Variants in ZSCAN26 observed in about 807,000 individuals in gnomAD.
ZSCAN26 encodes the protein zinc finger and SCAN domain-containing protein 26.
A neutral mutation model predicts 23.0 loss-of-function variants in ZSCAN26; 26 were observed. The observed-to-expected ratio is 1.13, with a 90% CI of 0.83 to 1.57. ZSCAN26 has a LOEUF of 1.57. ZSCAN26 is among the 40% of genes most tolerant of loss of function. The pLI is 0.00. For missense variants in ZSCAN26, 528 were observed against 568.5 expected (o/e 0.93, Z 0.72); for synonymous variants, 180 against 202.5 (o/e 0.89, Z 0.94).
chr6:28,269,266 T>C (rs1761583700), intron 1 of ZSCAN26, among the ~76,000 whole-genome samples: 1 of 151,806 alleles, frequency 6.6e-6, no homozygotes, highest in African/African-American at 2.4e-5. Flanking sequence ...TCTATAGATA[T>C]AATAATATGA....
chr6:28,268,175 G>A (rs1391076980), intron 1 of ZSCAN26, among the ~76,000 whole-genome samples: 6 of 152,140 alleles, frequency 3.9e-5, no homozygotes, highest in South Asian at 2.1e-4. Context: ...TTCTTTATAG[G>A]GTTGTGTGAG....
intron 2 of ZSCAN26, 34 bp from the exon 3 acceptor site, chr6:28,272,636 C>A (rs1761746699): frequency 5.3e-6 from 8 of 1,514,656 alleles, no homozygotes; most frequent in Non-Finnish European, 7.2e-6. Context: ...CCACATATAT[C>A]TAATTATGCC....
chr6:28,271,715 C>T (rs567381442), intron 1 of ZSCAN26, 139 bp from the exon 2 acceptor site: 10 of 545,474 alleles, frequency 1.8e-5, no homozygotes, highest in Non-Finnish European at 2.9e-5. Flanking sequence ...ATAGTTTTTT[C>T]CTTCTGTATG....
intron 3 of ZSCAN26, among the ~76,000 whole-genome samples, chr6:28,275,049 G>A (rs137944073): frequency 1.3e-5 from 2 of 151,984 alleles, no homozygotes; most frequent in Non-Finnish European, 2.9e-5. Flanking sequence ...TCCTTTCTCT[G>A]ATGTCTCCTT....
rs757796252 is a variant in ZSCAN26, at chr6:28,276,316, A to G, written c.660A>G (p.Glu220=). Residue 220 remains glutamate, a synonymous_variant, in exon 4 of 4, where the codon GAA becomes GAG. Coordinates refer to ENST00000421553, the MANE Select transcript of ZSCAN26 (RefSeq NM_001023560.4). ...MEAHNEGSNL[E]RHQAKPKEKI... is the part of the protein sequence containing the mutation. ...CTCATAATGAGGGCTCTAACTTGGA[A>G]AGGCATCAGGCCAAGCCCAAAGAGA... 6.8e-6 allele frequency: 11 copies of G among 1,614,004 alleles called. No individual in the cohort carries two copies. Among genetic ancestry groups the G allele is most frequent in the Middle Eastern group, 1.6e-4 (1 of 6,062 alleles).
Position 28,276,978 on chromosome 6 carries a change from A to G in ZSCAN26, c.1322A>G (p.His441Arg), listed in dbSNP as rs1405993380. 6.2e-7 allele frequency: 1 copy of G among 1,614,040 alleles called. No individual in the cohort carries two copies. Among genetic ancestry groups the G allele is most frequent in the East Asian group, 2.2e-5 (1 of 44,890 alleles). ...AFRLNSHLAQ[H>R]VRIHNEEKPY... ...CGACTAAACTCACACCTTGCTCAGC[A>G]TGTAAGAATCCACAATGAAGAAAAA... The change falls in exon 4 of 4, where the codon CAT becomes CGT. Residue 441 changes from histidine (H) to arginine (R), a missense_variant. His to Arg is a conservative substitution (Grantham distance 29). Coordinates refer to ENST00000421553, the MANE Select transcript of ZSCAN26 (RefSeq NM_001023560.4).
At position 28,277,855 on chromosome 6, in the gene ZSCAN26, T is replaced by G. The variant is rs1198888443; in HGVS notation, c.*759T>G. 1 of 152,274 alleles carries G rather than the reference T, an allele frequency of 6.6e-6. No individual in the cohort carries two copies. The highest frequency in any genetic ancestry group is 2.4e-5 in the African/African-American group (1 of 41,470). 9.4% of individuals were successfully genotyped at this position (152,274 alleles called of 1,614,324 possible). ...TTAATCTGAATAGCAACTGTCTGAC[T>G]TGATAACTCCAGTGCCAGTATAGTG... On this transcript the variant is annotated 3_prime_UTR_variant, in exon 4 of 4. Coordinates refer to ENST00000421553, the MANE Select transcript of ZSCAN26 (RefSeq NM_001023560.4).
intron 1 of ZSCAN26, among the ~76,000 whole-genome samples, chr6:28,269,941 C>A (rs1206318994): frequency 6.6e-6 from 1 of 152,088 alleles, no homozygotes; most frequent in Non-Finnish European, 1.5e-5. Flanking sequence ...TATTTTCTGG[C>A]TAATAATCAT....
In ZSCAN26 at chr6:28,277,581, TC is replaced by T. The variant is rs1320397089; in HGVS notation, c.*490del. 6.5e-6 allele frequency: 1 copy of T among 152,868 alleles called. No individual in the cohort carries two copies. The highest frequency in any genetic ancestry group is 1.5e-5 in the Non-Finnish European group (1 of 68,524). 9.5% of individuals were successfully genotyped at this position (152,868 alleles called of 1,614,324 possible). On this transcript the variant is annotated 3_prime_UTR_variant, in exon 4 of 4. Transcript: ENST00000421553. ...AAGTACAGGTTAATGGTGAACATTT[TC>T]CCCCAGTGGCTTCACCTCATTCCTC...
In ZSCAN26 at chr6:28,272,076, C is replaced by T; in HGVS notation, c.157C>T (p.Gln53Ter). 1 of 1,566,354 alleles carries T rather than the reference C, an allele frequency of 6.4e-7. No homozygotes were observed. The highest frequency in any genetic ancestry group is 1.2e-5 in the South Asian group (1 of 85,466). The change falls in exon 2 of 4, where the codon CAA becomes TAA. Residue 53 changes from glutamine (Q) to a stop codon, truncating the protein, a stop_gained. Coordinates refer to ENST00000421553, the MANE Select transcript of ZSCAN26 (RefSeq NM_001023560.4). LOFTEE classifies it high-confidence loss of function. ...KGLGQEPLCK[Q>*]FRQLRYEETT... Reference sequence around the variant, plus strand: ...CCTTGGACAGGAGCCATTGTGCAAACAATTCAGGCAGTTGCGTTATGAAGA... The same window carrying T: ...CCTTGGACAGGAGCCATTGTGCAAATAATTCAGGCAGTTGCGTTATGAAGA...
Position 28,276,501 on chromosome 6 carries a change from G to T in ZSCAN26, c.845G>T (p.Gly282Val), listed in dbSNP as rs765588169. ...GHKKVLSREKGHQCHECGKAF... is the reference protein window; with the variant it reads ...GHKKVLSREKVHQCHECGKAF... ...AAGAAAGTCCTCTCTAGAGAGAAAGGTCATCAGTGTCATGAGTGTGGGAAA... is the reference window on the plus strand; with the variant it reads ...AAGAAAGTCCTCTCTAGAGAGAAAGTTCATCAGTGTCATGAGTGTGGGAAA... The change falls in exon 4 of 4, where the codon GGT becomes GTT. Residue 282 changes from glycine (G) to valine (V), a missense_variant. Gly to Val is a moderately radical substitution (Grantham distance 109). Coordinates refer to ENST00000421553, the MANE Select transcript of ZSCAN26 (RefSeq NM_001023560.4). 3 of 1,613,800 alleles carry T rather than the reference G, an allele frequency of 1.9e-6. No individual in the cohort carries two copies. Among genetic ancestry groups the T allele is most frequent in the Non-Finnish European group, 2.5e-6 (3 of 1,179,860 alleles).
intron 3 of ZSCAN26, among the ~76,000 whole-genome samples, chr6:28,275,985 C>T (rs575331479): frequency 6.6e-6 from 1 of 152,292 alleles, no homozygotes; most frequent in South Asian, 2.1e-4. Flanking sequence ...AAGTCACCTC[C>T]CACCAGAATT....
chr6:28,267,668 C>T (rs1761501195), intron 1 of ZSCAN26, among the ~76,000 whole-genome samples: 1 of 152,056 alleles, frequency 6.6e-6, no homozygotes, highest in Non-Finnish European at 1.5e-5. Flanking sequence ...GGAATGATGT[C>T]AGAGAGATTG....
Position 28,276,725 on chromosome 6 carries a change from C to T in ZSCAN26, c.1069C>T (p.His357Tyr), listed in dbSNP as rs1320582740. 1.2e-6 allele frequency: 2 copies of T among 1,613,590 alleles called. No homozygotes were observed. The highest frequency in any genetic ancestry group is 1.7e-6 in the Non-Finnish European group (2 of 1,179,700). Reference protein sequence around the residue: ...NFRRSSHLNRHQRIHSQEEPC... With the variant: ...NFRRSSHLNRYQRIHSQEEPC... ...TAGGCGCAGCTCTCACCTTAATCGA[C>T]ATCAGAGAATTCACAGTCAGGAGGA... Residue 357 changes from histidine (H) to tyrosine (Y), a missense_variant, in exon 4 of 4, where the codon CAT (histidine) becomes TAT (tyrosine). By Grantham distance (83) the His-to-Tyr change is moderately conservative (BLOSUM62 2). Coordinates refer to ENST00000421553, the MANE Select transcript of ZSCAN26 (RefSeq NM_001023560.4).
At chr6:28,273,566 A>AAG (rs1761807310) in intron 3 of ZSCAN26, among the ~76,000 whole-genome samples, 2 of 151,814 alleles carry the variant, frequency 1.3e-5, no homozygotes, top group Non-Finnish European at 2.9e-5. Flanking sequence ...AAAAAAAAAA[A>AAG]CAAGTACTGC....
Position 28,276,534 on chromosome 6 carries a change from A to G in ZSCAN26, c.878A>G (p.Gln293Arg), listed in dbSNP as rs1338950214. ...TGTCATGAGTGTGGGAAAGCCTTTC[A>G]GAGGAGTTCACACCTCGTCAGACAT... The part of the protein sequence containing the change: ...HQCHECGKAF[Q>R]RSSHLVRHQK... Residue 293 changes from glutamine to arginine, a missense_variant, in exon 4 of 4, where the codon CAG (glutamine) becomes CGG (arginine). Gln to Arg is a conservative substitution (Grantham distance 43, BLOSUM62 1). Coordinates refer to ENST00000421553, the MANE Select transcript of ZSCAN26 (RefSeq NM_001023560.4). 6.2e-7 allele frequency: 1 copy of G among 1,613,820 alleles called. No individual in the cohort carries two copies. Among genetic ancestry groups the G allele is most frequent in the Non-Finnish European group, 8.5e-7 (1 of 1,179,786 alleles).
chr6:28,268,567 G>A (rs1404900344), intron 1 of ZSCAN26, among the ~76,000 whole-genome samples: 2 of 152,290 alleles, frequency 1.3e-5, no homozygotes, highest in African/African-American at 4.8e-5. Context: ...GTTTGTCACA[G>A]TGGTCTAGGT....
chr6:28,271,249 T>A (rs1281988975), intron 1 of ZSCAN26, among the ~76,000 whole-genome samples: 2 of 152,216 alleles, frequency 1.3e-5, no homozygotes, highest in Non-Finnish European at 2.9e-5. Flanking sequence ...CATATAACGT[T>A]TTCCCAGCCA....
Position 28,276,255 on chromosome 6 carries a change from T to C in ZSCAN26, c.599T>C (p.Val200Ala). 6.2e-7 allele frequency: 1 copy of C among 1,613,726 alleles called. No homozygotes were observed. The change falls in exon 4 of 4, where the codon GTA becomes GCA. Residue 200 changes from valine (V) to alanine (A), a missense_variant. Physicochemically the swap from Val to Ala is moderately conservative, Grantham distance 64. Transcript: ENST00000421553. Reference sequence around the variant, plus strand: ...GTAGTAACAGACTCTTGTGGAAGAGTAGAGTCATCTGGGAAAATATCTGAA... The same window carrying C: ...GTAGTAACAGACTCTTGTGGAAGAGCAGAGTCATCTGGGAAAATATCTGAA... Reference protein sequence around the residue: ...LIVVTDSCGRVESSGKISEPM... With the variant: ...LIVVTDSCGRAESSGKISEPM...
Sources: gnomAD v4.1 joint callset for allele counts (sites outside exome capture counted in the v4.1 genomes callset) on GRCh38, gnomAD v4.1.1 for gene constraint, MANE v1.5 for transcripts, NCBI Gene and HGNC (gene_info 2026-07-23, HGNC 2026-07-21) for gene names.